Variants in SYT9 observed in about 807,000 individuals in gnomAD.
The protein encoded by SYT9 is synaptotagmin 9.
In SYT9, 22 loss-of-function variants were observed where a neutral mutation model predicts 48.4. The observed-to-expected ratio is 0.45, with a 90% confidence interval of 0.32 to 0.65. The LOEUF (loss-of-function observed/expected upper bound fraction) is 0.65. Among genes scored for constraint, SYT9 ranks in the 30% least tolerant of loss-of-function variants. The pLI is 0.03. For missense variants in SYT9, 577 were observed against 622.0 expected (o/e 0.93, Z 0.77); for synonymous variants, 265 against 245.0 (o/e 1.08, Z -0.76).
chr11:7,359,822 G>C (rs1288776412), intron 3 of SYT9, among the ~76,000 whole-genome samples: 1 of 151,350 alleles, frequency 6.6e-6, no homozygotes, highest in African/African-American at 2.4e-5. Flanking sequence ...TCTGATGGTA[G>C]TTTCTTTTGC....
chr11:7,403,871 CTGA>C (rs1262661130), intron 3 of SYT9, among the ~76,000 whole-genome samples: 16 of 152,112 alleles, frequency 1.1e-4, no homozygotes, highest in Non-Finnish European at 2.4e-4. Flanking sequence ...ATTCAAATCT[CTGA>C]CTATAATTAG....
chr11:7,332,338 T>C (rs1849552036), intron 3 of SYT9, among the ~76,000 whole-genome samples: 1 of 152,188 alleles, frequency 6.6e-6, no homozygotes, highest in Non-Finnish European at 1.5e-5. Context: ...TTCAAGATGG[T>C]TCCCATCAGC....
intron 3 of SYT9, among the ~76,000 whole-genome samples, chr11:7,358,387 C>T (rs1037626769): frequency 2.6e-5 from 4 of 152,056 alleles, no homozygotes; most frequent in Non-Finnish European, 5.9e-5. Flanking sequence ...ATTCTCATAA[C>T]GATTGTCATT....
intron 6 of SYT9, chr11:7,441,068 A>G (rs1847821779): frequency 6.6e-6 from 1 of 152,236 alleles, no homozygotes; most frequent in African/African-American, 2.4e-5. Context: ...CTGCAGAGAG[A>G]ACAAACAGAA....
chr11:7,413,936 C>T (rs1449149305), intron 3 of SYT9, among the ~76,000 whole-genome samples: 1 of 152,122 alleles, frequency 6.6e-6, no homozygotes, highest in African/African-American at 2.4e-5. Context: ...GGACTTTTGC[C>T]TGGTTTACAT....
chr11:7,263,256 C>G (rs1272815978), intron 1 of SYT9, among the ~76,000 whole-genome samples: 1 of 151,892 alleles, frequency 6.6e-6, no homozygotes, highest in Non-Finnish European at 1.5e-5. Context: ...GAGCAAGGAG[C>G]TGGCAGATGC....
chr11:7,338,118 A>G (rs75412011), intron 3 of SYT9, among the ~76,000 whole-genome samples: 5,881 of 152,122 alleles, frequency 0.039, 160 homozygotes, highest in African/African-American at 0.074. Flanking sequence ...GGACTTATCT[A>G]TCTCTTCTAG....
chr11:7,309,866 G>A (rs976528588), intron 2 of SYT9, among the ~76,000 whole-genome samples: 7 of 151,976 alleles, frequency 4.6e-5, no homozygotes, highest in African/African-American at 9.7e-5. Context: ...GCCTCTCCCC[G>A]AACTCCAGTA....
At chr11:7,320,973 AG>A (rs1849327906) in intron 3 of SYT9, among the ~76,000 whole-genome samples, 1 of 152,076 alleles carries the variant, frequency 6.6e-6, no homozygotes, top group African/African-American at 2.4e-5. Flanking sequence ...TGGCATTTTT[AG>A]TATACCCCAC....
At chr11:7,399,208 A>G (rs1244557576) in intron 3 of SYT9, among the ~76,000 whole-genome samples, 4 of 152,338 alleles carry the variant, frequency 2.6e-5, no homozygotes, top group South Asian at 4.1e-4. Flanking sequence ...ACAGAAGAGT[A>G]TGGTGTTGGA....
intron 6 of SYT9, among the ~76,000 whole-genome samples, chr11:7,445,574 A>G (rs11041384): frequency 0.32 from 47,906 of 151,968 alleles, 8,431 homozygotes; most frequent in African/African-American, 0.46. Context: ...CTCCTCCTAC[A>G]CTTCCAACCA....
chr11:7,319,040 G>C (rs1849290383), intron 3 of SYT9, among the ~76,000 whole-genome samples: 1 of 152,090 alleles, frequency 6.6e-6, no homozygotes, highest in Admixed American at 6.5e-5. Flanking sequence ...TGTCCCTGAA[G>C]GCTTTGGGGT....
intron 2 of SYT9, among the ~76,000 whole-genome samples, chr11:7,307,881 G>A (rs1425230850): frequency 6.6e-6 from 1 of 152,224 alleles, no homozygotes; most frequent in Non-Finnish European, 1.5e-5. Flanking sequence ...AACTTTGGAG[G>A]GAGTGGGAGG....
intron 3 of SYT9, among the ~76,000 whole-genome samples, chr11:7,371,421 A>AT (rs1438062831): frequency 4.0e-5 from 6 of 151,776 alleles, no homozygotes; most frequent in Non-Finnish European, 7.4e-5. Flanking sequence ...AATTTTTAAG[A>AT]TTTTTTCTAT....
intron 1 of SYT9, among the ~76,000 whole-genome samples, chr11:7,296,509 A>G (rs6578844): frequency 0.51 from 76,918 of 152,036 alleles, 19,564 homozygotes; most frequent in Admixed American, 0.54. Flanking sequence ...TCACTGGATA[A>G]TTCCAGAATG....
chr11:7,370,923 A>C (rs529832189), intron 3 of SYT9, among the ~76,000 whole-genome samples: 1 of 152,298 alleles, frequency 6.6e-6, no homozygotes, highest in South Asian at 2.1e-4. Flanking sequence ...GTTGTTAGAG[A>C]ATAGAAATCC....
At chr11:7,354,290 C>T (rs1309216606) in intron 3 of SYT9, among the ~76,000 whole-genome samples, 2 of 152,226 alleles carry the variant, frequency 1.3e-5, no homozygotes, top group Non-Finnish European at 2.9e-5. Context: ...ATAAAAATCA[C>T]ATCACTCACT....
chr11:7,398,584 G>C (rs1333379604), intron 3 of SYT9, among the ~76,000 whole-genome samples: 3 of 151,796 alleles, frequency 2.0e-5, no homozygotes, highest in African/African-American at 7.3e-5. Flanking sequence ...TAATTTTTTT[G>C]TATTTTTAGT....
intron 3 of SYT9, among the ~76,000 whole-genome samples, chr11:7,318,660 C>T (rs1235247120): frequency 6.6e-6 from 1 of 152,156 alleles, no homozygotes; most frequent in African/African-American, 2.4e-5. Context: ...GAATGTTTTA[C>T]TCTATTCAGA....
Sources: gnomAD v4.1 joint callset for allele counts (sites outside exome capture counted in the v4.1 genomes callset) on GRCh38, gnomAD v4.1.1 for gene constraint, MANE v1.5 for transcripts, NCBI Gene and HGNC (gene_info 2026-07-23, HGNC 2026-07-21) for gene names.